The following ZNF407 variants were observed in gnomAD, a reference collection of about 807,000 sequenced individuals.
ZNF407 encodes zinc finger protein 407.
Under a neutral mutation model 131.2 loss-of-function variants are expected in ZNF407, and 17 were observed. The ratio of observed to expected loss-of-function variants is 0.13; its 90% CI spans 0.09 to 0.19. The LOEUF is 0.19. ZNF407 is among the 10% of genes least tolerant of loss of function. The pLI, the probability that ZNF407 is intolerant of heterozygous loss-of-function variation, is 1.00. For missense variants in ZNF407, 2,681 were observed against 2,830.6 expected (o/e 0.95, Z 1.20); for synonymous variants, 1,156 against 1,062.0 (o/e 1.09, Z -1.72).
rs1479833791 is a variant in ZNF407 at position 74,633,211 on chromosome 18, A to G, written c.2192A>G (p.Asp731Gly). The change falls in exon 2 of 9, where the codon GAC becomes GGC. Residue 731 changes from aspartate to glycine, a missense_variant. Transcript: ENST00000299687. The stretch of plus-strand genomic sequence containing the variant: ...CATATAAAGCTTCGGCATGGTCAAG[A>G]CTATCATTTTCTTTGTAAAGCTTGT... ...TRHIKLRHGQ[D>G]YHFLCKACNL... 6.2e-7 allele frequency: 1 copy of G among 1,613,882 alleles called. No homozygotes were observed. The highest frequency in any genetic ancestry group is 2.2e-5 in the East Asian group (1 of 44,874).
At chr18:74,603,660 C>G (rs1173752066) in intron 1 of ZNF407, among the ~76,000 whole-genome samples, 1 of 152,220 alleles carries the variant, frequency 6.6e-6, no homozygotes, top group Non-Finnish European at 1.5e-5. Context: ...ACAATAGATT[C>G]ATTCCACATC....
chr18:74,842,927 G>A (rs992274476), intron 4 of ZNF407, among the ~76,000 whole-genome samples: 15 of 152,002 alleles, frequency 9.9e-5, no homozygotes, highest in African/African-American at 3.6e-4. Flanking sequence ...ATGTTGGCCA[G>A]GCTTCTCTCG....
intron 3 of ZNF407, among the ~76,000 whole-genome samples, chr18:74,744,739 C>A (rs1000837927): frequency 6.6e-6 from 1 of 151,912 alleles, no homozygotes; most frequent in Non-Finnish European, 1.5e-5. Context: ...CAATGTGATA[C>A]CATTTTTGAA....
At chr18:74,871,204 G>C (rs780018469) in intron 4 of ZNF407, among the ~76,000 whole-genome samples, 4 of 152,186 alleles carry the variant, frequency 2.6e-5, no homozygotes, top group Admixed American at 6.5e-5. Context: ...ATTCTTCACA[G>C]AAGTGATTGT....
chr18:74,652,940 A>G (rs1477191401), intron 3 of ZNF407, among the ~76,000 whole-genome samples: 1 of 152,084 alleles, frequency 6.6e-6, no homozygotes, highest in Non-Finnish European at 1.5e-5. Flanking sequence ...CATGTTCCAT[A>G]AAAACAAGGG....
At position 75,063,863 on chromosome 18, in the gene ZNF407, G is replaced by A; in HGVS notation, c.6142G>A (p.Glu2048Lys). 1.9e-6 allele frequency: 3 copies of A among 1,611,326 alleles called. No individual in the cohort carries two copies. In the South Asian group the frequency reaches 3.3e-5, roughly 18 times the overall value. ...GATCCAGATGTTCCCACAGGCCCAG[G>A]AGAGCCCGGCCGCCGTGGAGGTGCT... ...PEIQMFPQAQESPAAVEVLTQ... is the reference protein window; with the variant it reads ...PEIQMFPQAQKSPAAVEVLTQ... Residue 2048 changes from glutamate (E) to lysine (K), a missense_variant, in exon 9 of 9, where the codon GAG (glutamate) becomes AAG (lysine). Glu to Lys is a moderately conservative substitution (Grantham distance 56). This residue lies in a region of ZNF407 where 620 missense variants were observed against 583.1 expected (regional missense o/e 1.06). Coordinates refer to ENST00000299687, the MANE Select transcript of ZNF407 (RefSeq NM_017757.3). The surrounding 1 kb of genome is among the most constrained non-coding windows in gnomAD (Gnocchi z 6.6).
chr18:74,639,317 G>A (rs538156941), intron 2 of ZNF407, among the ~76,000 whole-genome samples: 1 of 152,276 alleles, frequency 6.6e-6, no homozygotes, highest in South Asian at 2.1e-4. Flanking sequence ...ATTGGGAGAG[G>A]TTGATCTTCT....
intron 8 of ZNF407, among the ~76,000 whole-genome samples, chr18:74,964,319 C>T (rs892421763): frequency 1.3e-5 from 2 of 152,222 alleles, no homozygotes; most frequent in African/African-American, 4.8e-5. Context: ...GCACATGCAT[C>T]TCTTGCCACC....
rs368183780 is a variant in ZNF407 at position 74,634,036 on chromosome 18, A to G, written c.3017A>G (p.Tyr1006Cys). Residue 1006 changes from tyrosine to cysteine, a missense_variant, in exon 2 of 9, where the codon TAC becomes TGC. Tyr to Cys is a radical substitution (Grantham distance 194). Coordinates refer to ENST00000299687, the MANE Select transcript of ZNF407 (RefSeq NM_017757.3). Reference sequence around the variant, plus strand: ...GACTTCGCCCAGCCGGGGGATGTGTACTCCCAGAGAGATGTTACAGGCACA... The same window carrying G: ...GACTTCGCCCAGCCGGGGGATGTGTGCTCCCAGAGAGATGTTACAGGCACA... ...PEDFAQPGDV[Y>C]SQRDVTGTGE... 1.4e-5 allele frequency: 22 copies of G among 1,613,974 alleles called. No homozygotes were observed. Among genetic ancestry groups the G allele is most frequent in the Non-Finnish European group, 1.7e-5 (20 of 1,179,888 alleles).
chr18:74,632,663 A>G lies in ZNF407; in HGVS notation c.1644A>G (p.Lys548=). The G allele has an allele frequency of 6.2e-7, 1 of 1,614,030 alleles. No individual in the cohort carries two copies. The highest frequency in any genetic ancestry group is 1.1e-5 in the South Asian group (1 of 91,090). The change falls in exon 2 of 9, where the codon AAA becomes AAG. Residue 548 remains lysine, a synonymous_variant. Coordinates refer to ENST00000299687, the MANE Select transcript of ZNF407 (RefSeq NM_017757.3). ...GGACAGATTTGGAAATCCATGTGAAAAGGTGCCATGCCAGAGAGATGAAAT... is the reference window on the plus strand; with the variant it reads ...GGACAGATTTGGAAATCCATGTGAAGAGGTGCCATGCCAGAGAGATGAAAT... ...TNRTDLEIHV[K]RCHAREMKFY...
intron 1 of ZNF407, among the ~76,000 whole-genome samples, chr18:74,618,001 C>G (rs1473112364): frequency 6.6e-6 from 1 of 152,170 alleles, no homozygotes; most frequent in Non-Finnish European, 1.5e-5. Flanking sequence ...GCTCCTCTCT[C>G]CCCACTCCTC....
At chr18:74,976,715 C>T (rs1486294049) in intron 8 of ZNF407, among the ~76,000 whole-genome samples, 3 of 152,230 alleles carry the variant, frequency 2.0e-5, no homozygotes, top group Non-Finnish European at 2.9e-5. Flanking sequence ...TAATCTCTCA[C>T]TGAGGCCCAC....
intron 3 of ZNF407, among the ~76,000 whole-genome samples, chr18:74,735,867 A>G (rs892961533): frequency 6.6e-6 from 1 of 152,186 alleles, no homozygotes; most frequent in Non-Finnish European, 1.5e-5. Context: ...GCTGTTGTCA[A>G]GGGTGCTTCT....
chr18:74,908,543 C>T (rs1310122864), intron 7 of ZNF407, among the ~76,000 whole-genome samples: 1 of 152,130 alleles, frequency 6.6e-6, no homozygotes, highest in East Asian at 1.9e-4. Flanking sequence ...TCCAGCACTC[C>T]AAATGACATG....
chr18:74,691,322 T>TTA (rs1967217633), intron 3 of ZNF407, among the ~76,000 whole-genome samples: 1 of 151,828 alleles, frequency 6.6e-6, no homozygotes, highest in South Asian at 2.1e-4. Context: ...AAATTATCTT[T>TTA]TATATCTCCA....
At chr18:74,755,885 CTTTTTTTTT>C (rs34750560) in intron 3 of ZNF407, among the ~76,000 whole-genome samples, 22 of 25,834 alleles carry the variant, frequency 8.5e-4, no homozygotes, top group African/African-American at 2.2e-3. Context: ...CTTTTCCTTC[CTTTTTTTTT>C]TTTTTTTTTT....
At chr18:74,995,233 G>A (rs17056110) in intron 8 of ZNF407, among the ~76,000 whole-genome samples, 2,324 of 152,270 alleles carry the variant, frequency 0.015, 63 homozygotes, top group African/African-American at 0.052. Context: ...TGGCTTGGGC[G>A]ATTTGAGTGT....
rs202033059 is a variant in ZNF407, at chr18:74,691,461, TG to T, written c.4802+50340del. Among the ~76,000 whole-genome samples, 236 of 150,816 alleles carry T rather than the reference TG, an allele frequency of 1.6e-3. 2 individuals carry two copies. The highest frequency in any genetic ancestry group is 0.015 in the South Asian group (70 of 4,776). ...TGATCACTTTGGCTAAAATTTTTTT[TG>T]TTGTTTTTTACAAATTTTATTGATC... is the stretch of plus-strand genomic sequence containing the variant. On this transcript the variant is annotated intron_variant, in intron 3 of 8. Transcript: ENST00000299687.
intron 8 of ZNF407, among the ~76,000 whole-genome samples, chr18:74,922,674 G>A (rs538033870): frequency 3.9e-5 from 6 of 152,274 alleles, no homozygotes; most frequent in Admixed American, 2.6e-4. Flanking sequence ...CTGCAGTTAC[G>A]TGATGTAATT....
Sources: gnomAD v4.1 joint callset for allele counts (sites outside exome capture counted in the v4.1 genomes callset) on GRCh38, gnomAD v4.1.1 for gene constraint, gnomAD v4.1.1 regional missense constraint, Gnocchi (gnomAD v3.1) non-coding constraint, MANE v1.5 for transcripts, NCBI Gene and HGNC (gene_info 2026-07-23, HGNC 2026-07-21) for gene names.